Variants in SPTB observed in about 807,000 individuals in gnomAD.
SPTB encodes the protein spectrin beta, erythrocytic, also known as spectrin beta chain, erythrocytic.
SPTB carries 45 observed loss-of-function variants against 256.2 expected under a neutral mutation model. The observed-to-expected ratio is 0.18, with a 90% CI of 0.14 to 0.23. The LOEUF is 0.23. Among genes scored for constraint, SPTB ranks in the 10% least tolerant of loss-of-function variants. The probability of loss-of-function intolerance (pLI) is 1.00; values close to 1 mark genes in which losing one functional copy is unlikely to be tolerated. For synonymous variants in SPTB, 1,231 were observed against 1,243.1 expected, an observed-to-expected ratio of 0.99 and a Z score of 0.21; for missense variants, 2,715 against 3,040.4, an observed-to-expected ratio of 0.89 and a Z score of 2.52.
At position 64,784,252 on chromosome 14, in the gene SPTB, C is replaced by T. The variant is rs746414660; in HGVS notation, c.3997G>A (p.Asp1333Asn). The change falls in exon 19 of 36, where the codon GAT (aspartate) becomes AAT (asparagine). Residue 1333 changes from aspartate to asparagine, a missense_variant. This residue lies in a region of SPTB where 2,239 missense variants were observed against 2,384.4 expected (regional missense o/e 0.94). Transcript: ENST00000644917. ...CGCCCAATCACTTTACTTACCGCAT[C>T]GATGTTCTCTAGCCACCCTTCATGG... is the stretch of plus-strand genomic sequence containing the variant. ...ASHEGWLENI[D>N]AEGKQLMDEK... 1.6e-5 allele frequency: 26 copies of T among 1,614,090 alleles called. No homozygotes were observed. The highest frequency in any genetic ancestry group is 2.7e-5 in the African/African-American group (2 of 74,930).
chr14:64,878,598 T>A (rs1294535834), intron 1 of SPTB, among the ~76,000 whole-genome samples: 2 of 152,056 alleles, frequency 1.3e-5, no homozygotes, highest in Non-Finnish European at 2.9e-5. Context: ...TGCCTAAAAA[T>A]CTTTGATTTG....
chr14:64,804,815 G>C (rs1384439306), intron 3 of SPTB, 124 bp downstream of exon 3: 1 of 1,260,784 alleles, frequency 7.9e-7, no homozygotes, highest in Non-Finnish European at 1.1e-6. Flanking sequence ...CTAAGTATTA[G>C]AGCCTCCCAA....
chr14:64,748,169 C>A lies in SPTB; in HGVS notation c.*1137G>T, dbSNP rs955826866. ...GTAGCTGTCACATGGGTGGTGATAC[C>A]AAGACATGGCTGCGTCTGCCACCCC... On this transcript the variant is annotated 3_prime_UTR_variant, in exon 36 of 36. Coordinates refer to ENST00000644917, the MANE Select transcript of SPTB (RefSeq NM_001355436.2). 3.3e-5 allele frequency: 5 copies of A among 149,610 alleles called. No homozygotes were observed. The highest frequency in any genetic ancestry group is 1.3e-4 in the African/African-American group (5 of 39,016). The allele number at this position is 149,610 out of a possible 1,614,324, so 9.3% of individuals were successfully genotyped here.
At chr14:64,808,076 A>T (rs892041655) in intron 2 of SPTB, among the ~76,000 whole-genome samples, 1 of 152,110 alleles carries the variant, frequency 6.6e-6, no homozygotes, top group Non-Finnish European at 1.5e-5. Flanking sequence ...GCAGCGGCGC[A>T]ATCTTGGCTC....
rs1208559492 is a variant in SPTB, at chr14:64,794,605, A to G, written c.1657T>C (p.Ser553Pro). Residue 553 changes from serine to proline, a missense_variant, in exon 13 of 36, where the codon TCT becomes CCT. By Grantham distance (74) the Ser-to-Pro change is moderately conservative. This residue lies in a region of SPTB where 2,239 missense variants were observed against 2,384.4 expected (regional missense o/e 0.94). Coordinates refer to ENST00000644917, the MANE Select transcript of SPTB (RefSeq NM_001355436.2). ...AACAAGTGCTTCCCAAACTCGGCAG[A>G]CAAGAGGTGAGCCTGGCAAAGAGAA... ...WMDEIKAHLL[S>P]AEFGKHLLEV... is the part of the protein sequence containing the mutation. The G allele has an allele frequency of 5.6e-6, 9 of 1,614,196 alleles. No homozygotes were observed. The highest frequency in any genetic ancestry group is 1.6e-4 in the Middle Eastern group (1 of 6,062).
Position 64,804,924 on chromosome 14 carries a change from C to A in SPTB, c.300+15G>T, listed in dbSNP as rs375872891. ...CCGATGGCAGCAGCCCCGGGGCCCA[C>A]AGAAGGGACTTTACCAGCATCTCTC... is the stretch of plus-strand genomic sequence containing the variant. On this transcript the variant is annotated intron_variant, in intron 3 of 35. Coordinates refer to ENST00000644917, the MANE Select transcript of SPTB (RefSeq NM_001355436.2). 3.1e-6 allele frequency: 5 copies of A among 1,613,710 alleles called. No individual in the cohort carries two copies. In the African/African-American group the frequency reaches 6.7e-5, roughly 22 times the overall value.
intron 15 of SPTB, among the ~76,000 whole-genome samples, chr14:64,787,539 C>T (rs1208158897): frequency 6.6e-6 from 1 of 152,206 alleles, no homozygotes; most frequent in Non-Finnish European, 1.5e-5. Context: ...TTCAAGAATG[C>T]TTCAGGACAT....
rs1324044561 is a variant in SPTB at position 64,826,279 on chromosome 14, C to T, written c.-51-3134G>A. 1.3e-5 allele frequency among the ~76,000 whole-genome samples: 2 copies of T among 152,158 alleles called. No homozygotes were observed. Among genetic ancestry groups the T allele is most frequent in the Admixed American group, 6.5e-5 (1 of 15,268 alleles). ...ACACGAAGATATGCCTGTCCAAAAC[C>T]AGATTTAACCCATTCTCGGCGTCAC... On this transcript the variant is annotated intron_variant, in intron 1 of 35. Coordinates refer to ENST00000644917, the MANE Select transcript of SPTB (RefSeq NM_001355436.2). The surrounding 1 kb of genome is among the most constrained non-coding windows in gnomAD (Gnocchi z 4.4).
In SPTB at chr14:64,822,682, GC is replaced by G. The variant is rs565704501; in HGVS notation, c.148+264del. ...AGACTCTCGTACTTCTCACTTGGCCGCAGGTCACTCAGGACAGAGGCAGAGG... is the reference window on the plus strand; with the variant it reads ...AGACTCTCGTACTTCTCACTTGGCCGAGGTCACTCAGGACAGAGGCAGAGG... On this transcript the variant is annotated intron_variant, in intron 2 of 35. Transcript: ENST00000644917. 1.4e-3 allele frequency among the ~76,000 whole-genome samples: 209 copies of G among 152,202 alleles called. 1 individual carries two copies. Among genetic ancestry groups the G allele is most frequent in the Non-Finnish European group, 2.3e-3 (154 of 67,992 alleles).
At chr14:64,765,206 A>G (rs535889858) in intron 32 of SPTB, among the ~76,000 whole-genome samples, 7 of 151,502 alleles carry the variant, frequency 4.6e-5, no homozygotes, top group East Asian at 2.0e-4. Context: ...TCCTAACCTC[A>G]CCCCCAGGTT....
intron 2 of SPTB, 81 bp from the exon 3 acceptor site, chr14:64,805,171 A>G (rs1167665605): frequency 6.6e-7 from 1 of 1,514,906 alleles, no homozygotes; most frequent in Non-Finnish European, 9.1e-7. Context: ...TTTTACCTTA[A>G]GCCCAGGGTA....
At position 64,795,194 on chromosome 14, in the gene SPTB, C is replaced by T. The variant is rs2139601521; in HGVS notation, c.1644+143G>A. 1.0e-6 allele frequency: 1 copy of T among 964,024 alleles called. No individual in the cohort carries two copies. The highest frequency in any genetic ancestry group is 1.6e-5 in the African/African-American group (1 of 61,546). The allele number at this position is 964,024 out of a possible 1,614,324, so 59.7% of individuals were successfully genotyped here. A position where few individuals can be genotyped will look rare whatever the true frequency, so the allele number is the denominator to read the frequency against. On this transcript the variant is annotated intron_variant, in intron 12 of 35. Transcript: ENST00000644917. The surrounding 1 kb of genome is among the most constrained non-coding windows in gnomAD (Gnocchi z 6.5). ...AGGCAGAGAGGCAGGTGCAGCTAGA[C>T]ACTTTGCTGCCTCAGTTTCTCTATT...
chr14:64,761,361 G>A (rs1423961091), intron 32 of SPTB, among the ~76,000 whole-genome samples: 1 of 152,216 alleles, frequency 6.6e-6, no homozygotes, highest in East Asian at 1.9e-4. Flanking sequence ...CGCCTTAAAG[G>A]AGAAAGCAGA....
rs751081162 is a variant in SPTB at position 64,792,951 on chromosome 14, C to T, written c.2666+46G>A. 7 of 1,613,280 alleles carry T rather than the reference C, an allele frequency of 4.3e-6. No homozygotes were observed. In the South Asian group the frequency reaches 4.4e-5, roughly 10 times the overall value. ...ACCAAACTAGGTGGGAGATGGTGCC[C>T]AGGCCTGGGTACAGGGACGTGAGGA... On this transcript the variant is annotated intron_variant, in intron 14 of 35. Transcript: ENST00000644917. This position sits in a 1 kb window ranked among gnomAD's most constrained non-coding sequence, Gnocchi z 4.2.
At position 64,758,246 on chromosome 14, in the gene SPTB, T is replaced by C. The variant is rs2082043674; in HGVS notation, c.6346-4453A>G. Among the ~76,000 whole-genome samples the C allele has an allele frequency of 6.6e-6, 1 of 152,122 alleles. No individual in the cohort carries two copies. The highest frequency in any genetic ancestry group is 2.4e-5 in the African/African-American group (1 of 41,406). On this transcript the variant is annotated intron_variant, in intron 32 of 35. Transcript: ENST00000644917. The surrounding 1 kb of genome is among the most constrained non-coding windows in gnomAD (Gnocchi z 4.6). Reference sequence around the variant, plus strand: ...CTCAAAAACCCTCTTGTTCCTGGAGTAGCAGATGCTCAGGACTGAGAAATG... The same window carrying C: ...CTCAAAAACCCTCTTGTTCCTGGAGCAGCAGATGCTCAGGACTGAGAAATG...
intron 15 of SPTB, 100 bp from the exon 16 acceptor site, chr14:64,787,260 TC>T (rs1057433979): frequency 2.0e-6 from 3 of 1,475,078 alleles, no homozygotes; most frequent in Non-Finnish European, 2.8e-6. Context: ...CCCACAAGTC[TC>T]CCCCCACAGA....
In SPTB at chr14:64,749,871, C is replaced by T. The variant is rs2081917232; in HGVS notation, c.6776+110G>A. 4 of 1,536,806 alleles carry T rather than the reference C, an allele frequency of 2.6e-6. No homozygotes were observed. Among genetic ancestry groups the T allele is most frequent in the South Asian group, 1.1e-5 (1 of 88,564 alleles). On this transcript the variant is annotated intron_variant, in intron 34 of 35. Coordinates refer to ENST00000644917, the MANE Select transcript of SPTB (RefSeq NM_001355436.2). The surrounding 1 kb of genome is among the most constrained non-coding windows in gnomAD (Gnocchi z 4.7). ...TCAGCCTCTTTGATTTGAAAAACCC[C>T]TGAGGAGCAGCTCAGGCCTGGCACT...
In SPTB at chr14:64,802,748, G is replaced by A. The variant is rs186143135; in HGVS notation, c.475-431C>T. On this transcript the variant is annotated intron_variant, in intron 4 of 35. Coordinates refer to ENST00000644917, the MANE Select transcript of SPTB (RefSeq NM_001355436.2). This position sits in a 1 kb window ranked among gnomAD's most constrained non-coding sequence, Gnocchi z 5.1. The stretch of plus-strand genomic sequence containing the variant: ...GCCCCGCAGCAACACCACATCCTGA[G>A]GCCCTGTGCCCCAGCAGCCTGCTTC... Among the ~76,000 whole-genome samples, 1 of 152,202 alleles carries A rather than the reference G, an allele frequency of 6.6e-6. No individual in the cohort carries two copies. The highest frequency in any genetic ancestry group is 1.5e-5 in the Non-Finnish European group (1 of 68,038).
At position 64,795,541 on chromosome 14, in the gene SPTB, G is replaced by C; in HGVS notation, c.1440C>G (p.Ala480=). 6.2e-7 allele frequency: 1 copy of C among 1,614,070 alleles called. No homozygotes were observed. Among genetic ancestry groups the C allele is most frequent in the Non-Finnish European group, 8.5e-7 (1 of 1,180,006 alleles). The change falls in exon 12 of 36, where the codon GCC becomes GCG. Residue 480 remains alanine (A), a synonymous_variant. Coordinates refer to ENST00000644917, the MANE Select transcript of SPTB (RefSeq NM_001355436.2). This position sits in a 1 kb window ranked among gnomAD's most constrained non-coding sequence, Gnocchi z 6.5. ...CCAGCTCCTGAGCCAGGTCCTCCAG[G>C]GCTCTCACCCGCTCCTCGTAGGCAG... ...DTAAYEERVR[A]LEDLAQELEK...
Sources: allele counts gnomAD v4.1 joint callset (sites outside exome capture counted in the v4.1 genomes callset), GRCh38; gene constraint gnomAD v4.1.1; regional missense constraint gnomAD v4.1.1; non-coding constraint Gnocchi (gnomAD v3.1); transcripts MANE v1.5; gene names NCBI Gene and HGNC (gene_info 2026-07-23, HGNC 2026-07-21).